Variants in NR2C2AP observed in about 807,000 individuals in gnomAD.
The protein encoded by NR2C2AP is nuclear receptor 2C2 associated protein.
In NR2C2AP, 13 loss-of-function variants were observed where a neutral mutation model predicts 19.1. That is an observed-to-expected ratio of 0.68 (90% CI 0.44 to 1.08). The LOEUF is 1.08. Ranked by LOEUF, NR2C2AP falls within the 50% of genes least tolerant of loss-of-function variation. The pLI is 0.00. For missense variants in NR2C2AP, 181 were observed against 172.7 expected (o/e 1.05, Z -0.27); for synonymous variants, 81 against 64.4 (o/e 1.26, Z -1.23).
Position 19,201,869 on chromosome 19 carries a change from A to G in NR2C2AP, c.*56T>C. On this transcript the variant is annotated 3_prime_UTR_variant, in exon 5 of 5. Coordinates refer to ENST00000331552, the MANE Select transcript of NR2C2AP (RefSeq NM_176880.6). The stretch of plus-strand genomic sequence containing the variant: ...ACCAATAAACCTTCTGTGCAGAATG[A>G]GGGACTTTGCTGTGCTTCCCGGAGG... 19 of 1,613,094 alleles carry G rather than the reference A, an allele frequency of 1.2e-5. No individual in the cohort carries two copies. Among genetic ancestry groups the G allele is most frequent in the Non-Finnish European group, 1.5e-5 (18 of 1,179,458 alleles).
In NR2C2AP at chr19:19,201,751, G is replaced by A; in HGVS notation, c.*174C>T. On this transcript the variant is annotated 3_prime_UTR_variant, in exon 5 of 5. Coordinates refer to ENST00000331552, the MANE Select transcript of NR2C2AP (RefSeq NM_176880.6). Reference sequence around the variant, plus strand: ...CCTGCCGGGGACTCAGACACTCAGGGAACAAAATGGTCAGCCAGAGCTGGG... The same window carrying A: ...CCTGCCGGGGACTCAGACACTCAGGAAACAAAATGGTCAGCCAGAGCTGGG... 1 of 1,613,636 alleles carries A rather than the reference G, an allele frequency of 6.2e-7. No individual in the cohort carries two copies. Among genetic ancestry groups the A allele is most frequent in the South Asian group, 1.1e-5 (1 of 91,082 alleles).
Position 19,201,601 on chromosome 19 carries a change from C to A in NR2C2AP, c.*324G>T. 8 of 1,613,238 alleles carry A rather than the reference C, an allele frequency of 5.0e-6. No homozygotes were observed. Among genetic ancestry groups the A allele is most frequent in the Non-Finnish European group, 6.8e-6 (8 of 1,179,972 alleles). On this transcript the variant is annotated 3_prime_UTR_variant, in exon 5 of 5. Transcript: ENST00000331552. ...CGCAGGTTGGCCTGTGCCTCCACCCCACTCCCGATTCAAGCTCACAGCCCA... is the reference window on the plus strand; with the variant it reads ...CGCAGGTTGGCCTGTGCCTCCACCCAACTCCCGATTCAAGCTCACAGCCCA...
rs192690722 is a variant in NR2C2AP, at chr19:19,202,591, G to A, written c.130-16C>T. On this transcript the variant is annotated splice_polypyrimidine_tract_variant and intron_variant, in intron 2 of 4. Transcript: ENST00000331552. ...GGGAGGGGCCCTGGAAGCAGACAGGGAAACTGAGGCGCAAGCTCACTGCAG... is the reference window on the plus strand; with the variant it reads ...GGGAGGGGCCCTGGAAGCAGACAGGAAAACTGAGGCGCAAGCTCACTGCAG... 4,752 of 1,604,394 alleles carry A rather than the reference G, an allele frequency of 3.0e-3. 184 individuals carry two copies. In the Admixed American group the frequency reaches 0.068, roughly 23 times the overall value.
intron 2 of NR2C2AP, 45 bp from the exon 3 acceptor site, chr19:19,202,620 C>CAG (rs756467253): frequency 6.6e-7 from 1 of 1,503,980 alleles, no homozygotes. Context: ...ACTGCAGGCA[C>CAG]AGAGCCCTGC....
chr19:19,203,330 G>A lies in NR2C2AP; in HGVS notation c.-270C>T. On this transcript the variant is annotated 5_prime_UTR_variant, in exon 1 of 5. Transcript: ENST00000331552. ...GCCTTTCACAGGAAACAGATTTCCC[G>A]CGGGTTTCGGGGGCGGTGGCTTTTT... 1 of 555,980 alleles carries A rather than the reference G, an allele frequency of 1.8e-6. No individual in the cohort carries two copies. 34.4% of individuals were successfully genotyped at this position (555,980 alleles called of 1,614,324 possible).
chr19:19,202,419 G>A lies in NR2C2AP; in HGVS notation c.236-21C>T, dbSNP rs778763329. ...TGAACCTTCAGCAGAGAAAGGCAAT[G>A]AGTGTCTGGGGTGACCCCTGGAACC... is the stretch of plus-strand genomic sequence containing the variant. On this transcript the variant is annotated intron_variant, in intron 3 of 4. Transcript: ENST00000331552. 4 of 1,613,868 alleles carry A rather than the reference G, an allele frequency of 2.5e-6. No homozygotes were observed. In the South Asian group the frequency reaches 3.3e-5, roughly 13 times the overall value.
In NR2C2AP at chr19:19,203,412, C is replaced by T. The variant is rs1012939798; in HGVS notation, c.-352G>A. 1 of 392,512 alleles carries T rather than the reference C, an allele frequency of 2.5e-6. No homozygotes were observed. The highest frequency in any genetic ancestry group is 2.0e-5 in the African/African-American group (1 of 48,830). The allele number at this position is 392,512 out of a possible 1,614,324, so 24.3% of individuals were successfully genotyped here. ...GGAGCCAAATCTTGGGACCCGGAAC[C>T]GCGTGGGCTTGGCGCATGCGTGTTG... On this transcript the variant is annotated 5_prime_UTR_variant, in exon 1 of 5. Coordinates refer to ENST00000331552, the MANE Select transcript of NR2C2AP (RefSeq NM_176880.6).
intron 4 of NR2C2AP, 136 bp downstream of exon 4, chr19:19,202,192 TCAG>T: frequency 1.7e-6 from 2 of 1,149,814 alleles, no homozygotes; most frequent in South Asian, 2.5e-5. Context: ...CAGGTGGTCA[TCAG>T]CACCATTTTA....
At chr19:19,202,943 G>A in intron 1 of NR2C2AP, 62 bp from the exon 2 acceptor site, 2 of 1,607,772 alleles carry the variant, frequency 1.2e-6, no homozygotes, top group Admixed American at 1.7e-5. Context: ...TCCGCGGAGG[G>A]CCTGACCCCC....
rs759245272 is a variant in NR2C2AP, at chr19:19,202,339, AGTT to A, written c.292_294del (p.Asn98del). ...AAGCAGGGGCAGGATATCTGAAGCG[AGTT>A]GTTGTCCTCAGGGTAGAAATCTACA... On this transcript the variant is annotated inframe_deletion, in exon 4 of 5. Transcript: ENST00000331552. 22 of 1,614,064 alleles carry A rather than the reference AGTT, an allele frequency of 1.4e-5. No individual in the cohort carries two copies. The East Asian group carries it at 2.0e-4, about 15-fold the overall frequency.
Position 19,202,060 on chromosome 19 carries a change from G to A in NR2C2AP, c.304-19C>T. ...GGAAAGTGTGAGCGTGGGCAGTCAAGGGAAACTGGTGATTTCTGGTTTCCC... is the reference window on the plus strand; with the variant it reads ...GGAAAGTGTGAGCGTGGGCAGTCAAAGGAAACTGGTGATTTCTGGTTTCCC... On this transcript the variant is annotated intron_variant, in intron 4 of 4. Transcript: ENST00000331552. 2.5e-6 allele frequency: 4 copies of A among 1,613,516 alleles called. No individual in the cohort carries two copies. Among genetic ancestry groups the A allele is most frequent in the Non-Finnish European group, 2.5e-6 (3 of 1,179,554 alleles).
chr19:19,201,699 G>A lies in NR2C2AP; in HGVS notation c.*226C>T. ...CCTCAAGCTCTTCCAGAGCAACCTGGTGCCCGCTGACCCTGAGTGAAGGCC... is the reference window on the plus strand; with the variant it reads ...CCTCAAGCTCTTCCAGAGCAACCTGATGCCCGCTGACCCTGAGTGAAGGCC... On this transcript the variant is annotated 3_prime_UTR_variant, in exon 5 of 5. Transcript: ENST00000331552. 6.2e-7 allele frequency: 1 copy of A among 1,614,102 alleles called. No homozygotes were observed. The highest frequency in any genetic ancestry group is 2.2e-5 in the East Asian group (1 of 44,886).
In NR2C2AP at chr19:19,202,032, T is replaced by C. The variant is rs888337184; in HGVS notation, c.313A>G (p.Ile105Val). The change falls in exon 5 of 5, where the codon ATA (isoleucine) becomes GTA (valine). Residue 105 changes from isoleucine to valine, a missense_variant. Coordinates refer to ENST00000331552, the MANE Select transcript of NR2C2AP (RefSeq NM_176880.6). Reference sequence around the variant, plus strand: ...AGCCGGTCCACTTCAGCAGCTGGTATGGGGAAAGTGTGAGCGTGGGCAGTC... The same window carrying C: ...AGCCGGTCCACTTCAGCAGCTGGTACGGGGAAAGTGTGAGCGTGGGCAGTC... ...EDNNSLQTFP[I>V]PAAEVDRLKV... The C allele has an allele frequency of 1.9e-6, 3 of 1,614,040 alleles. No individual in the cohort carries two copies.
Position 19,202,418 on chromosome 19 carries a change from T to C in NR2C2AP, c.236-20A>G, listed in dbSNP as rs1415123847. On this transcript the variant is annotated intron_variant, in intron 3 of 4. Transcript: ENST00000331552. Reference sequence around the variant, plus strand: ...GTGAACCTTCAGCAGAGAAAGGCAATGAGTGTCTGGGGTGACCCCTGGAAC... The same window carrying C: ...GTGAACCTTCAGCAGAGAAAGGCAACGAGTGTCTGGGGTGACCCCTGGAAC... The C allele has an allele frequency of 1.2e-6, 2 of 1,613,926 alleles. No individual in the cohort carries two copies. Among genetic ancestry groups the C allele is most frequent in the Non-Finnish European group, 1.7e-6 (2 of 1,179,868 alleles).
Position 19,202,407 on chromosome 19 carries a change from G to C in NR2C2AP, c.236-9C>G. ...CTGAGTGCCCTGTGAACCTTCAGCA[G>C]AGAAAGGCAATGAGTGTCTGGGGTG... On this transcript the variant is annotated splice_polypyrimidine_tract_variant and intron_variant, in intron 3 of 4. Transcript: ENST00000331552. The C allele has an allele frequency of 1.9e-6, 3 of 1,613,996 alleles. No individual in the cohort carries two copies.
Position 19,203,163 on chromosome 19 carries a change from T to A in NR2C2AP, c.-103A>T, listed in dbSNP as rs927978464. The stretch of plus-strand genomic sequence containing the variant: ...GGGCGGCGCGATCTTGGCTACGCCT[T>A]GGCCTGAACGTCCTCACCTGTAACT... On this transcript the variant is annotated 5_prime_UTR_variant, in exon 1 of 5. Transcript: ENST00000331552. The A allele has an allele frequency of 8.3e-7, 1 of 1,204,306 alleles. No homozygotes were observed. Among genetic ancestry groups the A allele is most frequent in the Non-Finnish European group, 1.2e-6 (1 of 827,842 alleles). The allele number at this position is 1,204,306 out of a possible 1,614,324, so 74.6% of individuals were successfully genotyped here.
chr19:19,202,420 A>C (rs2060734563), intron 3 of NR2C2AP, 22 bp from the exon 4 acceptor site: 2 of 1,613,840 alleles, frequency 1.2e-6, no homozygotes, highest in Non-Finnish European at 1.7e-6. Flanking sequence ...AAAGGCAATG[A>C]GTGTCTGGGG....
intron 2 of NR2C2AP, 59 bp from the exon 3 acceptor site, chr19:19,202,634 G>T: frequency 1.4e-6 from 2 of 1,471,298 alleles, no homozygotes; most frequent in Non-Finnish European, 1.9e-6. Flanking sequence ...GCCCTGCTAT[G>T]CCTGTCTCAT....
At position 19,202,804 on chromosome 19, in the gene NR2C2AP, C is replaced by T; in HGVS notation, c.116G>A (p.Trp39Ter). 1 of 1,613,842 alleles carries T rather than the reference C, an allele frequency of 6.2e-7. No homozygotes were observed. Among genetic ancestry groups the T allele is most frequent in the Non-Finnish European group, 8.5e-7 (1 of 1,179,958 alleles). Reference sequence around the variant, plus strand: ...GAGGCGCCTCACCTGGTCTGAGTTCCAACATGTCTCCTCATCCTGGTCGAA... The same window carrying T: ...GAGGCGCCTCACCTGGTCTGAGTTCTAACATGTCTCCTCATCCTGGTCGAA... Reference protein sequence around the residue: ...HLFDQDEETCWNSDQGPSQWV... With the variant: ...HLFDQDEETC The change falls in exon 2 of 5, where the codon TGG (tryptophan) becomes TAG (stop). Residue 39 changes from tryptophan to a stop codon, truncating the protein, a stop_gained. Coordinates refer to ENST00000331552, the MANE Select transcript of NR2C2AP (RefSeq NM_176880.6). LOFTEE classifies it high-confidence loss of function.
Sources: gnomAD v4.1 joint callset for allele counts on GRCh38, gnomAD v4.1.1 for gene constraint, MANE v1.5 for transcripts, NCBI Gene and HGNC (gene_info 2026-07-23, HGNC 2026-07-21) for gene names.